The following PGM5 variants were observed in gnomAD, a reference collection of about 807,000 sequenced individuals.
PGM5 encodes the protein phosphoglucomutase 5.
Under a neutral mutation model 59.2 loss-of-function variants are expected in PGM5, and 23 were observed. The observed-to-expected ratio is 0.39, with a 90% confidence interval of 0.28 to 0.55. The LOEUF is 0.55. Among genes scored for constraint, PGM5 ranks in the 20% least tolerant of loss-of-function variants. The pLI is 0.66. For synonymous variants in PGM5, 214 were observed against 286.0 expected, an observed-to-expected ratio of 0.75 and a Z score of 2.54; for missense variants, 574 against 748.3, an observed-to-expected ratio of 0.77 and a Z score of 2.72.
intron 10 of PGM5, among the ~76,000 whole-genome samples, chr9:68,521,174 T>C (rs1156432661): frequency 2.0e-5 from 3 of 152,234 alleles, no homozygotes; most frequent in Non-Finnish European, 4.4e-5. Flanking sequence ...CAAGCCTCAG[T>C]TTCCTCATCT....
In PGM5 at chr9:68,511,545, C is replaced by CTTTT. The variant is rs3064033; in HGVS notation, c.1614+12206_1614+12209dup. ...TTGTCACTAATGTTATTGTTTTTGC[C>CTTTT]TTTTTTTTTTTTTTTTTTTTTTTTT... On this transcript the variant is annotated intron_variant, in intron 10 of 10. Coordinates refer to ENST00000396396, the MANE Select transcript of PGM5 (RefSeq NM_021965.4). Among the ~76,000 whole-genome samples the CTTTT allele has an allele frequency of 7.6e-3, 474 of 62,714 alleles. 90 individuals are homozygous for CTTTT. Among genetic ancestry groups the CTTTT allele is most frequent in the East Asian group, 0.023 (36 of 1,586 alleles). The allele number at this position is 62,714 out of a possible 152,430, so 41.1% of individuals were successfully genotyped here. A position where few individuals can be genotyped will look rare whatever the true frequency, so the allele number is the denominator to read the frequency against.
At chr9:68,367,315 C>G (rs1250809863) in intron 1 of PGM5, among the ~76,000 whole-genome samples, 2 of 152,078 alleles carry the variant, frequency 1.3e-5, no homozygotes, top group Non-Finnish European at 2.9e-5. Flanking sequence ...CCCCTTCATG[C>G]CCACCCCATG....
At chr9:68,504,299 T>TC (rs1248242125) in intron 10 of PGM5, among the ~76,000 whole-genome samples, 2 of 152,204 alleles carry the variant, frequency 1.3e-5, no homozygotes, top group Admixed American at 6.5e-5. Flanking sequence ...TTCATTCTTC[T>TC]CCATCTCAGT....
At chr9:68,425,135 C>T (rs1198804198) in intron 6 of PGM5, among the ~76,000 whole-genome samples, 1 of 152,134 alleles carries the variant, frequency 6.6e-6, no homozygotes, top group Non-Finnish European at 1.5e-5. Context: ...TAAGTCACCT[C>T]TTTCTCTTTT....
At chr9:68,372,658 C>A (rs556742526) in intron 1 of PGM5, among the ~76,000 whole-genome samples, 30 of 152,246 alleles carry the variant, frequency 2.0e-4, no homozygotes, top group Non-Finnish European at 3.5e-4. Flanking sequence ...TAAAGAAATA[C>A]CTGAGGCTGG....
chr9:68,515,753 T>A (rs1481526637), intron 10 of PGM5, among the ~76,000 whole-genome samples: 2 of 152,238 alleles, frequency 1.3e-5, no homozygotes, highest in African/African-American at 4.8e-5. Context: ...TTATCTTTTA[T>A]CAAAAAGATA....
At chr9:68,373,437 T>C (rs11140134) in intron 1 of PGM5, among the ~76,000 whole-genome samples, 4,300 of 152,292 alleles carry the variant, frequency 0.028, 106 homozygotes, top group East Asian at 0.13. Flanking sequence ...TTACTCACTT[T>C]AACCTTCTTA....
intron 9 of PGM5, among the ~76,000 whole-genome samples, chr9:68,487,813 T>C (rs187844): frequency 0.98 from 149,720 of 152,330 alleles, 73,619 homozygotes; most frequent in East Asian, 1. Flanking sequence ...CTTGGTGCCA[T>C]TGTAAATCGT....
At chr9:68,466,425 A>T (rs1184701521) in intron 7 of PGM5, 10 of 194,470 alleles carry the variant, frequency 5.1e-5, no homozygotes, top group Non-Finnish European at 9.5e-5. Context: ...TGATAGTTCC[A>T]ATCTCTGGTT....
intron 5 of PGM5, 100 bp downstream of exon 5, chr9:68,391,824 T>C: frequency 8.2e-7 from 1 of 1,220,608 alleles, no homozygotes; most frequent in Non-Finnish European, 1.2e-6. Flanking sequence ...CTAACATGTA[T>C]GGGACATGTG....
intron 6 of PGM5, among the ~76,000 whole-genome samples, chr9:68,444,998 T>C (rs1338246307): frequency 2.6e-5 from 4 of 152,214 alleles, no homozygotes; most frequent in African/African-American, 9.7e-5. Context: ...GCTTTCTTCA[T>C]CTAAAGACTG....
chr9:68,413,158 T>C (rs200245380), intron 6 of PGM5, among the ~76,000 whole-genome samples: 1 of 152,206 alleles, frequency 6.6e-6, no homozygotes, highest in Non-Finnish European at 1.5e-5. Context: ...GTTTCTCTAT[T>C]TAAAGGGAGT....
chr9:68,456,162 A>G (rs1322815561), intron 6 of PGM5, among the ~76,000 whole-genome samples: 1 of 152,210 alleles, frequency 6.6e-6, no homozygotes, highest in East Asian at 1.9e-4. Context: ...GGCATGATCA[A>G]GTCTACTAGG....
chr9:68,507,640 A>G (rs1041247575), intron 10 of PGM5, among the ~76,000 whole-genome samples: 1 of 150,294 alleles, frequency 6.7e-6, no homozygotes, highest in African/African-American at 2.5e-5. Flanking sequence ...GGTGGGTTAG[A>G]TTTCCCTCTA....
At position 68,387,581 on chromosome 9, in the gene PGM5, G is replaced by T. The variant is rs375935759; in HGVS notation, c.690G>T (p.Met230Ile). Residue 230 changes from methionine (M) to isoleucine (I), a missense_variant, in exon 4 of 11, where the codon ATG becomes ATT. Physicochemically the swap from Met to Ile is conservative, Grantham distance 10. Around this residue, in one of 7 missense-constraint regions of PGM5, gnomAD observed 103 missense variants for 112.4 expected, o/e 0.92. Transcript: ENST00000396396. ...AACTGAAGATTCGCATTGACGCAAT[G>T]CACGGAGGTAAGCTTGTGATTTTCT... ...PSQLKIRIDA[M>I]HGVMGPYVRK... is the part of the protein sequence containing the mutation. 5 of 1,611,864 alleles carry T rather than the reference G, an allele frequency of 3.1e-6. No individual in the cohort carries two copies. Among genetic ancestry groups the T allele is most frequent in the Non-Finnish European group, 4.2e-6 (5 of 1,178,448 alleles).
At chr9:68,426,590 G>C (rs781822933) in intron 6 of PGM5, among the ~76,000 whole-genome samples, 4 of 151,510 alleles carry the variant, frequency 2.6e-5, no homozygotes, top group African/African-American at 7.3e-5. Context: ...GTACATTCAG[G>C]CTTTTGTCTT....
chr9:68,484,610 CA>C lies in PGM5; in HGVS notation c.1479+566del, dbSNP rs1433125897. ...AACAAACAAAAAACAAAAAAAAAAA[CA>C]AAAGAACATGGGTACTCTATGTCCA... On this transcript the variant is annotated intron_variant, in intron 9 of 10. Transcript: ENST00000396396. 3.7e-4 allele frequency among the ~76,000 whole-genome samples: 50 copies of C among 136,070 alleles called. 1 individual carries two copies. Among genetic ancestry groups the C allele is most frequent in the Non-Finnish European group, 5.7e-4 (36 of 63,250 alleles). 89.3% of individuals were successfully genotyped at this position (136,070 alleles called of 152,430 possible).
chr9:68,407,382 C>T (rs1327582573), intron 6 of PGM5, among the ~76,000 whole-genome samples: 1 of 152,208 alleles, frequency 6.6e-6, no homozygotes, highest in Middle Eastern at 3.2e-3. Flanking sequence ...ATCCTCCTGC[C>T]TCGGCCTCTC....
At chr9:68,375,797 A>G (rs1200785199) in intron 1 of PGM5, among the ~76,000 whole-genome samples, 1 of 152,368 alleles carries the variant, frequency 6.6e-6, no homozygotes, top group South Asian at 2.1e-4. Flanking sequence ...CCATAGTATT[A>G]TATAGGGCTG....
Sources: gnomAD v4.1 joint callset for allele counts (sites outside exome capture counted in the v4.1 genomes callset) on GRCh38, gnomAD v4.1.1 for gene constraint, gnomAD v4.1.1 regional missense constraint, MANE v1.5 for transcripts, NCBI Gene and HGNC (gene_info 2026-07-23, HGNC 2026-07-21) for gene names.